PIK3C2G: variants seen among roughly 807,000 people sequenced by gnomAD.
PIK3C2G encodes the protein phosphatidylinositol 3-kinase C2 domain-containing subunit gamma.
In PIK3C2G, 168 loss-of-function variants were observed where a neutral mutation model predicts 181.1. The ratio of observed to expected loss-of-function variants is 0.93; its 90% CI spans 0.82 to 1.05. The LOEUF is 1.05. Among genes scored for constraint, PIK3C2G ranks in the 50% least tolerant of loss-of-function variants. The pLI, the probability that PIK3C2G is intolerant of heterozygous loss-of-function variation, is 0.00. For synonymous variants in PIK3C2G, 573 were observed against 592.2 expected (o/e 0.97, Z 0.47); for missense variants, 1,869 against 1,732.8 (o/e 1.08, Z -1.40).
At position 18,288,847 on chromosome 12, in the gene PIK3C2G, T is replaced by C. The variant is rs143028702; in HGVS notation, c.761+1918T>C. Among the ~76,000 whole-genome samples, 198 of 152,348 alleles carry C rather than the reference T, an allele frequency of 1.3e-3. 1 individual carries two copies. Among genetic ancestry groups the C allele is most frequent in the African/African-American group, 4.6e-3 (190 of 41,584 alleles). On this transcript the variant is annotated intron_variant, in intron 3 of 32. Coordinates refer to ENST00000538779, the MANE Select transcript of PIK3C2G (RefSeq NM_001288772.2). ...TTCTTGGATGAAATATTTTTGTGGA[T>C]GCACTAGTGACATCGAAATACTTGA...
the PIK3C2G span, chr12:18,684,143 T>C: frequency 6.2e-7 from 1 of 1,611,798 alleles, no homozygotes; most frequent in Non-Finnish European, 8.5e-7. Flanking sequence ...TGTTCATGCA[T>C]AGAAGTGGCA....
intron 16 of PIK3C2G, among the ~76,000 whole-genome samples, chr12:18,403,788 T>C (rs952711122): frequency 6.6e-6 from 1 of 152,082 alleles, no homozygotes; most frequent in African/African-American, 2.4e-5. Flanking sequence ...TAACTTCCAT[T>C]AGAGAAGGGG....
intron 8 of PIK3C2G, among the ~76,000 whole-genome samples, chr12:18,329,318 C>A (rs772683900): frequency 6.6e-6 from 1 of 151,278 alleles, no homozygotes; most frequent in South Asian, 2.1e-4. Context: ...AATAGAAAAC[C>A]CACTCTTATT....
intron 31 of PIK3C2G, among the ~76,000 whole-genome samples, chr12:18,635,436 G>A (rs1011447799): frequency 3.3e-5 from 5 of 152,162 alleles, no homozygotes; most frequent in East Asian, 1.9e-4. Flanking sequence ...GGCTTCATGA[G>A]TGAGATGCCC....
chr12:18,408,845 G>T (rs1305751831), intron 16 of PIK3C2G, among the ~76,000 whole-genome samples: 1 of 152,134 alleles, frequency 6.6e-6, no homozygotes, highest in Non-Finnish European at 1.5e-5. Flanking sequence ...AAACCATAAT[G>T]AGATACCATC....
intron 18 of PIK3C2G, among the ~76,000 whole-genome samples, chr12:18,459,493 T>C (rs1345561597): frequency 6.6e-6 from 1 of 152,218 alleles, no homozygotes; most frequent in East Asian, 1.9e-4. Flanking sequence ...AAAGATTCTT[T>C]CTACTGCTTA....
In PIK3C2G at chr12:18,381,887, G is replaced by T. The variant is rs1336390449; in HGVS notation, c.1995+7G>T. On this transcript the variant is annotated splice_region_variant and intron_variant, in intron 14 of 32. Coordinates refer to ENST00000538779, the MANE Select transcript of PIK3C2G (RefSeq NM_001288772.2). ...ATCCCCGGTGACCCTGCAGGTAAGTGCCAGGCTAAAAGATTAAAGTACACA... is the reference window on the plus strand; with the variant it reads ...ATCCCCGGTGACCCTGCAGGTAAGTTCCAGGCTAAAAGATTAAAGTACACA... The T allele has an allele frequency of 6.5e-7, 1 of 1,536,786 alleles. No homozygotes were observed. Among genetic ancestry groups the T allele is most frequent in the Non-Finnish European group, 9.0e-7 (1 of 1,109,610 alleles).
chr12:18,681,246 G>A, the PIK3C2G span, among the ~76,000 whole-genome samples: 6 of 152,008 alleles, frequency 3.9e-5, no homozygotes, highest in African/African-American at 1.2e-4. Flanking sequence ...GTAAAGAAGC[G>A]TAAGTCAGGG....
chr12:18,307,656 C>G (rs1305259100), intron 5 of PIK3C2G, among the ~76,000 whole-genome samples: 2 of 151,816 alleles, frequency 1.3e-5, no homozygotes, highest in African/African-American at 4.8e-5. Context: ...GGTATGGTAA[C>G]CTTTCTTCTT....
intron 30 of PIK3C2G, 71 bp downstream of exon 30, chr12:18,594,640 A>AT (rs1352395595): frequency 2.7e-6 from 2 of 744,696 alleles, no homozygotes; most frequent in Non-Finnish European, 4.2e-6. Flanking sequence ...ATCACAACTA[A>AT]TTTTTTTCAA....
At chr12:18,375,332 C>T (rs1344709502) in intron 13 of PIK3C2G, among the ~76,000 whole-genome samples, 2 of 152,184 alleles carry the variant, frequency 1.3e-5, no homozygotes, top group East Asian at 3.9e-4. Context: ...AATTTGGTTG[C>T]ATTGTGTTCA....
At chr12:18,284,730 G>A (rs1949369603) in intron 2 of PIK3C2G, among the ~76,000 whole-genome samples, 1 of 151,854 alleles carries the variant, frequency 6.6e-6, no homozygotes, top group Non-Finnish European at 1.5e-5. Flanking sequence ...ACAAAACATA[G>A]GCAATAAAAA....
the PIK3C2G span, among the ~76,000 whole-genome samples, chr12:18,699,369 G>A: frequency 6.6e-6 from 1 of 152,164 alleles, no homozygotes; most frequent in Non-Finnish European, 1.5e-5. Context: ...CCCTTTGGCT[G>A]CTATCAGAGG....
Position 18,530,021 on chromosome 12 carries a change from G to A in PIK3C2G, c.3324-8135G>A, listed in dbSNP as rs10505825. ...AGCAAACATGTCACTAGTTTAAAAT[G>A]AGGCACCCTCATGGCCCAGCAATGG... On this transcript the variant is annotated intron_variant, in intron 24 of 32. Coordinates refer to ENST00000538779, the MANE Select transcript of PIK3C2G (RefSeq NM_001288772.2). Among the ~76,000 whole-genome samples, 1,089 of 152,232 alleles carry A rather than the reference G, an allele frequency of 7.2e-3. 34 individuals carry two copies. Among genetic ancestry groups the A allele is most frequent in the East Asian group, 0.031 (162 of 5,178 alleles).
At chr12:18,565,204 A>C (rs1264511845) in intron 28 of PIK3C2G, among the ~76,000 whole-genome samples, 1 of 152,182 alleles carries the variant, frequency 6.6e-6, no homozygotes, top group African/African-American at 2.4e-5. Flanking sequence ...AAGCCCTACG[A>C]GAGTTATGTA....
chr12:18,279,376 G>A (rs1254360154), intron 1 of PIK3C2G, among the ~76,000 whole-genome samples: 2 of 151,786 alleles, frequency 1.3e-5, no homozygotes, highest in African/African-American at 4.8e-5. Flanking sequence ...AAAATGTTAG[G>A]TATCGTTAAC....
At chr12:18,434,359 C>A (rs1011225357) in intron 18 of PIK3C2G, among the ~76,000 whole-genome samples, 2 of 152,040 alleles carry the variant, frequency 1.3e-5, no homozygotes, top group Admixed American at 1.3e-4. Flanking sequence ...ACATTGAAAC[C>A]ATTACATCCC....
chr12:18,403,859 A>G (rs1944382225), intron 16 of PIK3C2G, among the ~76,000 whole-genome samples: 1 of 152,124 alleles, frequency 6.6e-6, no homozygotes, highest in African/African-American at 2.4e-5. Context: ...GATGGTTGCT[A>G]TTTTCCTGAA....
chr12:18,602,117 G>C (rs535173759), intron 30 of PIK3C2G, among the ~76,000 whole-genome samples: 12 of 152,250 alleles, frequency 7.9e-5, no homozygotes, highest in African/African-American at 2.6e-4. Flanking sequence ...TTCTTTTGCA[G>C]CTGGGAGGTG....
Sources: allele counts gnomAD v4.1 joint callset (sites outside exome capture counted in the v4.1 genomes callset), GRCh38; gene constraint gnomAD v4.1.1; transcripts MANE v1.5; gene names NCBI Gene and HGNC (gene_info 2026-07-23, HGNC 2026-07-21).